The following IMMP2L variants were observed in gnomAD, a reference collection of about 807,000 sequenced individuals.
IMMP2L encodes inner mitochondrial membrane peptidase subunit 2.
IMMP2L carries 18 observed loss-of-function variants against 19.3 expected under a neutral mutation model. The observed-to-expected ratio is 0.93, with a 90% confidence interval of 0.64 to 1.38. The LOEUF (loss-of-function observed/expected upper bound fraction) is 1.38, where lower values mean the gene tolerates loss of function less well. Among genes scored for constraint, IMMP2L ranks in the 40% most tolerant of loss-of-function variants. The probability of loss-of-function intolerance (pLI) is 0.00; values close to 1 mark genes in which losing one functional copy is unlikely to be tolerated. For synonymous variants in IMMP2L, 76 were observed against 73.0 expected, an observed-to-expected ratio of 1.04 and a Z score of -0.21; for missense variants, 233 against 218.2, an observed-to-expected ratio of 1.07 and a Z score of -0.43.
intron 3 of IMMP2L, among the ~76,000 whole-genome samples, chr7:111,086,117 A>G (rs1455256821): frequency 6.6e-6 from 1 of 152,086 alleles, no homozygotes; most frequent in African/African-American, 2.4e-5. Flanking sequence ...CCCTGAACTT[A>G]AAATAAAAGT....
chr7:111,342,628 G>A (rs1417376283), intron 3 of IMMP2L, among the ~76,000 whole-genome samples: 1 of 151,726 alleles, frequency 6.6e-6, no homozygotes, highest in Non-Finnish European at 1.5e-5. Context: ...ATTTTACACT[G>A]GTAATAAACT....
intron 4 of IMMP2L, among the ~76,000 whole-genome samples, chr7:110,893,773 A>G (rs966731034): frequency 1.1e-4 from 17 of 152,190 alleles, no homozygotes; most frequent in African/African-American, 4.1e-4. Context: ...TTTCTCTTCT[A>G]TAAATGAAAT....
At position 111,191,946 on chromosome 7, in the gene IMMP2L, G is replaced by A. The variant is rs1397026802; in HGVS notation, c.240-228381C>T. ...TGAGAGAGCTTGTTGACAAGCAGGA[G>A]CAGGAGTAGGAGGGAGCCACATGGA... On this transcript the variant is annotated intron_variant, in intron 3 of 5. Transcript: ENST00000405709. Among the ~76,000 whole-genome samples the A allele has an allele frequency of 3.0e-4, 46 of 151,988 alleles. 1 individual carries two copies. The highest frequency in any genetic ancestry group is 3.0e-3 in the Admixed American group (46 of 15,234).
intron 3 of IMMP2L, among the ~76,000 whole-genome samples, chr7:111,485,864 TAGTC>T (rs1370522715): frequency 1.3e-5 from 2 of 152,034 alleles, no homozygotes; most frequent in Non-Finnish European, 2.9e-5. Context: ...TGGTTAGAGA[TAGTC>T]AGCATGTTTC....
intron 3 of IMMP2L, among the ~76,000 whole-genome samples, chr7:111,159,626 CTG>C (rs1414745120): frequency 6.6e-6 from 1 of 151,878 alleles, no homozygotes; most frequent in Non-Finnish European, 1.5e-5. Context: ...AATAGAAGGC[CTG>C]TGTTTTGTTT....
At chr7:111,164,889 A>G (rs1215345632) in intron 3 of IMMP2L, among the ~76,000 whole-genome samples, 1 of 151,862 alleles carries the variant, frequency 6.6e-6, no homozygotes, top group East Asian at 1.9e-4. Context: ...TTTTTTTCTA[A>G]TTATTTTTTA....
chr7:110,769,425 A>G lies in IMMP2L; in HGVS notation c.409-105704T>C, dbSNP rs141824670. Among the ~76,000 whole-genome samples the G allele has an allele frequency of 1.5e-3, 225 of 152,248 alleles. 1 individual carries two copies. The highest frequency in any genetic ancestry group is 5.1e-3 in the African/African-American group (212 of 41,556). On this transcript the variant is annotated intron_variant, in intron 5 of 5. Transcript: ENST00000405709. ...TCAACTAATTCCTCATTATGCTGGG[A>G]TTGATTGTCCAGTTAATAAATTATC...
chr7:111,389,576 A>T lies in IMMP2L; in HGVS notation c.239+97662T>A, dbSNP rs548179009. 6.6e-5 allele frequency among the ~76,000 whole-genome samples: 10 copies of T among 152,134 alleles called. No individual in the cohort carries two copies. The South Asian group carries it at 1.7e-3, about 25-fold the overall frequency. Reference sequence around the variant, plus strand: ...AATAATAATAATGTGTAATGGTAAGAGGAGAGGGAGGGCAGATTGAGAGAG... The same window carrying T: ...AATAATAATAATGTGTAATGGTAAGTGGAGAGGGAGGGCAGATTGAGAGAG... On this transcript the variant is annotated intron_variant, in intron 3 of 5. Coordinates refer to ENST00000405709, the MANE Select transcript of IMMP2L (RefSeq NM_032549.4).
At chr7:111,365,929 G>C (rs994863207) in intron 3 of IMMP2L, among the ~76,000 whole-genome samples, 1 of 152,108 alleles carries the variant, frequency 6.6e-6, no homozygotes, top group Non-Finnish European at 1.5e-5. Context: ...CTAATAAAAA[G>C]TAGAAGGAAA....
At chr7:110,735,013 C>A (rs1462372645) in intron 5 of IMMP2L, among the ~76,000 whole-genome samples, 1 of 152,304 alleles carries the variant, frequency 6.6e-6, no homozygotes, top group African/African-American at 2.4e-5. Flanking sequence ...TTCCTCAACT[C>A]TTCATCCGTC....
At chr7:110,838,485 C>T (rs1463284415) in intron 5 of IMMP2L, among the ~76,000 whole-genome samples, 2 of 152,002 alleles carry the variant, frequency 1.3e-5, no homozygotes, top group Non-Finnish European at 2.9e-5. Flanking sequence ...AAAAAGGTAA[C>T]TGGATAATGA....
chr7:111,228,406 A>G (rs540033770), intron 3 of IMMP2L, among the ~76,000 whole-genome samples: 1 of 152,160 alleles, frequency 6.6e-6, no homozygotes, highest in Non-Finnish European at 1.5e-5. Context: ...ACTCAAAAAG[A>G]AAAACTTTTA....
chr7:111,528,334 A>C (rs1167220858), intron 1 of IMMP2L, among the ~76,000 whole-genome samples: 1 of 152,174 alleles, frequency 6.6e-6, no homozygotes, highest in Admixed American at 6.5e-5. Flanking sequence ...AAAAGGGAAT[A>C]ATTTTTATCA....
intron 5 of IMMP2L, among the ~76,000 whole-genome samples, chr7:110,882,287 G>GCCTGCCTGCCTTCCTTCCTTCCTT (rs1387853201): frequency 5.7e-5 from 7 of 122,066 alleles, no homozygotes; most frequent in African/African-American, 2.0e-4. Context: ...TTTGTCAAGT[G>GCCTGCCTGCCTTCCTTCCTTCCTT]CCTTCCTTCC....
intron 4 of IMMP2L, among the ~76,000 whole-genome samples, chr7:110,898,807 G>C (rs926159984): frequency 1.6e-5 from 2 of 127,618 alleles, no homozygotes; most frequent in South Asian, 5.0e-4. Flanking sequence ...TCCTGAGTTT[G>C]TTTTTTTTTT....
chr7:111,041,057 C>T (rs1791847325), intron 3 of IMMP2L, among the ~76,000 whole-genome samples: 2 of 151,924 alleles, frequency 1.3e-5, no homozygotes, highest in South Asian at 4.1e-4. Context: ...GTTATCATTC[C>T]CAGCTAGTAT....
intron 3 of IMMP2L, among the ~76,000 whole-genome samples, chr7:110,977,251 G>A (rs537559233): frequency 1.3e-5 from 2 of 151,972 alleles, no homozygotes; most frequent in Admixed American, 1.3e-4. Context: ...ATGCTTTTTA[G>A]GGTTCAGGCC....
intron 3 of IMMP2L, among the ~76,000 whole-genome samples, chr7:111,330,797 T>A (rs551419212): frequency 6.6e-6 from 1 of 151,976 alleles, no homozygotes; most frequent in African/African-American, 2.4e-5. Flanking sequence ...AAAGAAGACA[T>A]ACAAATGTCC....
intron 3 of IMMP2L, among the ~76,000 whole-genome samples, chr7:110,999,912 T>C (rs1235604217): frequency 6.6e-6 from 1 of 152,146 alleles, no homozygotes; most frequent in African/African-American, 2.4e-5. Context: ...AGGTAAAGGA[T>C]GAAACTTTAC....
Sources: allele counts gnomAD v4.1 joint callset (sites outside exome capture counted in the v4.1 genomes callset), GRCh38; gene constraint gnomAD v4.1.1; transcripts MANE v1.5; gene names NCBI Gene and HGNC (gene_info 2026-07-23, HGNC 2026-07-21).